The following VAV2 variants were observed in gnomAD, a reference collection of about 807,000 sequenced individuals.
The protein encoded by VAV2 is guanine nucleotide exchange factor VAV2.
VAV2 carries 67 observed loss-of-function variants against 132.5 expected under a neutral mutation model. The ratio of observed to expected loss-of-function variants is 0.51; its 90% CI spans 0.42 to 0.62. VAV2 has a LOEUF of 0.62. Ranked by LOEUF, VAV2 falls within the 20% of genes least tolerant of loss-of-function variation. VAV2 has a pLI of 0.00. For missense variants in VAV2, 938 were observed against 1,153.6 expected, an observed-to-expected ratio of 0.81 and a Z score of 2.71; for synonymous variants, 492 against 443.5, an observed-to-expected ratio of 1.11 and a Z score of -1.37.
At chr9:133,783,933 T>C (rs1564342318) in intron 18 of VAV2, among the ~76,000 whole-genome samples, 1 of 134,422 alleles carries the variant, frequency 7.4e-6, no homozygotes, top group Non-Finnish European at 1.5e-5. Context: ...CAGGCTGGAG[T>C]GCAGTGGCGA....
chr9:133,978,714 C>G (rs1338264550), intron 1 of VAV2, among the ~76,000 whole-genome samples: 2 of 152,264 alleles, frequency 1.3e-5, no homozygotes, highest in Non-Finnish European at 2.9e-5. Flanking sequence ...AGCTGCCAGG[C>G]AGCAGGAGAC....
chr9:133,949,416 C>A (rs554883406), intron 1 of VAV2, among the ~76,000 whole-genome samples: 1 of 152,244 alleles, frequency 6.6e-6, no homozygotes, highest in African/African-American at 2.4e-5. Flanking sequence ...GTGGCTGACA[C>A]GTGGCACCCG....
At chr9:133,805,431 A>G (rs1835095002) in intron 9 of VAV2, among the ~76,000 whole-genome samples, 3 of 151,972 alleles carry the variant, frequency 2.0e-5, no homozygotes, top group South Asian at 4.2e-4. Context: ...CTCTCTCGAG[A>G]CTTCCGTGGC....
intron 1 of VAV2, among the ~76,000 whole-genome samples, chr9:133,953,312 C>A (rs1841630577): frequency 6.6e-6 from 1 of 152,244 alleles, no homozygotes; most frequent in Non-Finnish European, 1.5e-5. Flanking sequence ...GCCCCCCAAG[C>A]CCACCACAAC....
intron 1 of VAV2, among the ~76,000 whole-genome samples, chr9:133,956,416 G>C (rs1250758258): frequency 1.3e-5 from 2 of 152,158 alleles, no homozygotes; most frequent in Non-Finnish European, 2.9e-5. Flanking sequence ...AGGGTGTCTA[G>C]GGTACTCTGT....
intron 1 of VAV2, among the ~76,000 whole-genome samples, chr9:133,984,864 T>C (rs1458009996): frequency 6.6e-6 from 1 of 150,764 alleles, no homozygotes; most frequent in Non-Finnish European, 1.5e-5. Context: ...GCCAAGATTG[T>C]GCCACTGCAT....
At position 133,908,769 on chromosome 9, in the gene VAV2, C is replaced by T. The variant is rs553889888; in HGVS notation, c.321+30334G>A. Among the ~76,000 whole-genome samples, 29 of 152,392 alleles carry T rather than the reference C, an allele frequency of 1.9e-4. No homozygotes were observed. The East Asian group carries it at 5.4e-3, about 28-fold the overall frequency. On this transcript the variant is annotated intron_variant, in intron 2 of 29. Coordinates refer to ENST00000371850, the MANE Select transcript of VAV2 (RefSeq NM_001134398.2). Reference sequence around the variant, plus strand: ...CACCCCTCTGAGGCAGACGCAGCTACAAACCAGGTGCCAGGAGCAGGCCCC... The same window carrying T: ...CACCCCTCTGAGGCAGACGCAGCTATAAACCAGGTGCCAGGAGCAGGCCCC...
intron 2 of VAV2, among the ~76,000 whole-genome samples, chr9:133,875,693 G>A (rs769870922): frequency 2.0e-5 from 3 of 152,182 alleles, no homozygotes; most frequent in African/African-American, 4.8e-5. Context: ...AGGAACACAC[G>A]CGAGGCCCCC....
intron 3 of VAV2, among the ~76,000 whole-genome samples, chr9:133,841,807 C>T (rs1398459817): frequency 6.6e-6 from 1 of 152,164 alleles, no homozygotes; most frequent in Admixed American, 6.5e-5. Context: ...TTGCTAAGAC[C>T]AAGGGAGATG....
At chr9:133,875,844 G>A (rs1838241366) in intron 2 of VAV2, among the ~76,000 whole-genome samples, 1 of 152,234 alleles carries the variant, frequency 6.6e-6, no homozygotes, top group South Asian at 2.1e-4. Flanking sequence ...GAGTGGCTGG[G>A]CAGCATTTCC....
intron 24 of VAV2, 87 bp downstream of exon 24, chr9:133,775,941 T>C: frequency 6.7e-7 from 1 of 1,490,240 alleles, no homozygotes; most frequent in Non-Finnish European, 9.0e-7. Context: ...GCTGGGCCGC[T>C]CACAGGCACC....
intron 3 of VAV2, among the ~76,000 whole-genome samples, chr9:133,848,279 C>CAAAAAAAA (rs34908811): frequency 2.9e-4 from 14 of 48,624 alleles, no homozygotes; most frequent in African/African-American, 4.8e-4. Flanking sequence ...GACTCCGTCT[C>CAAAAAAAA]AAAAAAAAAA....
chr9:133,834,146 G>T lies in VAV2; in HGVS notation c.449+126C>A. On this transcript the variant is annotated intron_variant, in intron 4 of 29. Transcript: ENST00000371850. This position sits in a 1 kb window ranked among gnomAD's most constrained non-coding sequence, Gnocchi z 5.9. ...ACCCATCATGAGGAGATGCCCCGGT[G>T]GGAAGGGCCAGGGCCAGCTCTGCCT... 9.3e-7 allele frequency: 1 copy of T among 1,081,042 alleles called. No homozygotes were observed. The highest frequency in any genetic ancestry group is 1.3e-6 in the Non-Finnish European group (1 of 748,378). The allele number at this position is 1,081,042 out of a possible 1,614,324, so 67.0% of individuals were successfully genotyped here.
At chr9:133,974,429 C>A (rs1455059328) in intron 1 of VAV2, among the ~76,000 whole-genome samples, 2 of 152,136 alleles carry the variant, frequency 1.3e-5, no homozygotes, top group Admixed American at 6.5e-5. Flanking sequence ...GTGACCAGGG[C>A]ACAAAGCAGC....
chr9:133,779,035 TC>T, intron 21 of VAV2, 146 bp from the exon 22 acceptor site: 1 of 1,023,272 alleles, frequency 9.8e-7, no homozygotes, highest in Non-Finnish European at 1.4e-6. Flanking sequence ...CCTAAATCCT[TC>T]CCATAAGCCT....
chr9:133,889,008 C>T lies in VAV2; in HGVS notation c.322-27576G>A, dbSNP rs371609377. On this transcript the variant is annotated intron_variant, in intron 2 of 29. Transcript: ENST00000371850. ...CAGGGGGGCAGGGACACCGCGTCCC[C>T]GTCCCTGGGGAAGCCTCACTTCTGA... 3.9e-5 allele frequency among the ~76,000 whole-genome samples: 6 copies of T among 152,294 alleles called. 1 individual carries two copies. In the East Asian group the frequency reaches 5.8e-4, roughly 15 times the overall value.
chr9:133,768,330 T>A lies in VAV2; in HGVS notation c.2589+112A>T. On this transcript the variant is annotated intron_variant, in intron 29 of 29. Transcript: ENST00000371850. The surrounding 1 kb of genome is among the most constrained non-coding windows in gnomAD (Gnocchi z 5.3). The stretch of plus-strand genomic sequence containing the variant: ...AGGATGAGGGAGATTGCAGAGGGTG[T>A]CTGGAACAGGGCCTGGGGTGTGGAC... 7.0e-7 allele frequency: 1 copy of A among 1,427,322 alleles called. No homozygotes were observed. Among genetic ancestry groups the A allele is most frequent in the Non-Finnish European group, 9.4e-7 (1 of 1,065,640 alleles). The allele number at this position is 1,427,322 out of a possible 1,614,324, so 88.4% of individuals were successfully genotyped here.
intron 9 of VAV2, among the ~76,000 whole-genome samples, chr9:133,798,368 A>G (rs1834804407): frequency 6.6e-6 from 1 of 152,224 alleles, no homozygotes; most frequent in African/African-American, 2.4e-5. Context: ...GCAGGCAGCC[A>G]GGTGGCCCCC....
chr9:133,882,946 G>A (rs1374122965), intron 2 of VAV2, among the ~76,000 whole-genome samples: 1 of 152,168 alleles, frequency 6.6e-6, no homozygotes, highest in Non-Finnish European at 1.5e-5. Flanking sequence ...ACGGTGTGCT[G>A]TGACTGCAGG....
Sources: allele counts gnomAD v4.1 joint callset (sites outside exome capture counted in the v4.1 genomes callset), GRCh38; gene constraint gnomAD v4.1.1; non-coding constraint Gnocchi (gnomAD v3.1); transcripts MANE v1.5; gene names NCBI Gene and HGNC (gene_info 2026-07-23, HGNC 2026-07-21).